The following FRMD5 variants were observed in gnomAD, a reference collection of about 807,000 sequenced individuals.
FRMD5 encodes the protein FERM domain-containing protein 5.
A neutral mutation model predicts 69.0 loss-of-function variants in FRMD5; 20 were observed. The ratio of observed to expected loss-of-function variants is 0.29; its 90% confidence interval spans 0.20 to 0.42. FRMD5 has a LOEUF of 0.42. FRMD5 is among the 10% of genes least tolerant of loss of function. The probability of loss-of-function intolerance (pLI) is 1.00; values close to 1 mark genes in which losing one functional copy is unlikely to be tolerated. For missense variants in FRMD5, 595 were observed against 708.6 expected, an observed-to-expected ratio of 0.84 and a Z score of 1.82; for synonymous variants, 271 against 260.1, an observed-to-expected ratio of 1.04 and a Z score of -0.40.
rs772012043 is a variant in FRMD5, at chr15:44,143,570, T to G, written c.102+51383A>C. Reference sequence around the variant, plus strand: ...TGAGTATTTAATTACAAAAACCCATTCTTTTACATTTCCCAACAAACTATA... The same window carrying G: ...TGAGTATTTAATTACAAAAACCCATGCTTTTACATTTCCCAACAAACTATA... On this transcript the variant is annotated intron_variant, in intron 1 of 13. Transcript: ENST00000417257. 1.4e-4 allele frequency among the ~76,000 whole-genome samples: 21 copies of G among 151,380 alleles called. 1 individual carries two copies. Among genetic ancestry groups the G allele is most frequent in the Admixed American group, 2.6e-4 (4 of 15,104 alleles).
chr15:44,127,950 G>A (rs2077045707), intron 1 of FRMD5, among the ~76,000 whole-genome samples: 1 of 152,182 alleles, frequency 6.6e-6, no homozygotes, highest in Non-Finnish European at 1.5e-5. Flanking sequence ...GAAGGAGGCA[G>A]CTGTAGCAAT....
intron 1 of FRMD5, among the ~76,000 whole-genome samples, chr15:44,092,756 C>T (rs1162597175): frequency 6.6e-6 from 1 of 152,074 alleles, no homozygotes; most frequent in Non-Finnish European, 1.5e-5. Context: ...CACCTCTACC[C>T]ACATCACCTT....
chr15:44,014,884 T>C (rs975010308), intron 1 of FRMD5, among the ~76,000 whole-genome samples: 9 of 152,360 alleles, frequency 5.9e-5, no homozygotes, highest in Non-Finnish European at 1.3e-4. Context: ...GCTGATTACA[T>C]GTTATGTCAA....
At chr15:43,883,938 C>A in intron 12 of FRMD5, 129 bp from the exon 13 acceptor site, 2 of 673,634 alleles carry the variant, frequency 3.0e-6, no homozygotes, top group South Asian at 3.1e-5. Context: ...TTTTTAAAAT[C>A]TTTAATACCT....
At chr15:44,146,421 T>C (rs986086358) in intron 1 of FRMD5, among the ~76,000 whole-genome samples, 1 of 152,208 alleles carries the variant, frequency 6.6e-6, no homozygotes, top group Non-Finnish European at 1.5e-5. Context: ...GTTGATTCCA[T>C]GTCTTCGCTA....
At chr15:44,094,386 C>CTCTA (rs2076520912) in intron 1 of FRMD5, among the ~76,000 whole-genome samples, 1 of 152,176 alleles carries the variant, frequency 6.6e-6, no homozygotes. Flanking sequence ...GTCTGGCAAC[C>CTCTA]TCTACATCCT....
At chr15:44,116,900 G>A (rs1341950005) in intron 1 of FRMD5, among the ~76,000 whole-genome samples, 1 of 151,736 alleles carries the variant, frequency 6.6e-6, no homozygotes, top group Admixed American at 6.6e-5. Context: ...TGGGCAACAT[G>A]GTAAAACCCT....
intron 1 of FRMD5, among the ~76,000 whole-genome samples, chr15:44,005,427 C>T (rs1392299915): frequency 2.8e-5 from 4 of 142,894 alleles, no homozygotes; most frequent in African/African-American, 7.9e-5. Flanking sequence ...GCCGAGATCA[C>T]GCCATTGCAC....
intron 1 of FRMD5, among the ~76,000 whole-genome samples, chr15:43,994,189 T>A (rs985064457): frequency 6.6e-6 from 1 of 152,208 alleles, no homozygotes; most frequent in East Asian, 1.9e-4. Flanking sequence ...TTGTGATTTA[T>A]TTTCTCTAGT....
chr15:44,026,287 TTTC>T (rs1891425910), intron 1 of FRMD5, among the ~76,000 whole-genome samples: 2 of 152,216 alleles, frequency 1.3e-5, no homozygotes, highest in African/African-American at 4.8e-5. Flanking sequence ...GGCCTCTCTC[TTTC>T]TTGATAGAAA....
chr15:44,024,124 T>G (rs1891329182), intron 1 of FRMD5, among the ~76,000 whole-genome samples: 1 of 152,144 alleles, frequency 6.6e-6, no homozygotes, highest in African/African-American at 2.4e-5. Flanking sequence ...GTTTCTTTCA[T>G]CTTTTGTTTT....
intron 1 of FRMD5, among the ~76,000 whole-genome samples, chr15:44,157,839 T>G (rs2077551951): frequency 6.6e-6 from 1 of 152,104 alleles, no homozygotes; most frequent in Non-Finnish European, 1.5e-5. Context: ...ATTTCTGATT[T>G]CAAACTTAAA....
intron 1 of FRMD5, chr15:43,989,406 C>T (rs372762268): frequency 5.1e-6 from 4 of 784,604 alleles, no homozygotes; most frequent in East Asian, 2.4e-5. Flanking sequence ...GCTGGAAGAG[C>T]GCCTCAGGGC....
At chr15:44,190,203 G>A (rs1365792195) in intron 1 of FRMD5, among the ~76,000 whole-genome samples, 1 of 152,186 alleles carries the variant, frequency 6.6e-6, no homozygotes, top group Non-Finnish European at 1.5e-5. Flanking sequence ...CAGACAGGAT[G>A]TTATAGATGA....
At chr15:43,988,377 C>T (rs1220269597) in intron 1 of FRMD5, among the ~76,000 whole-genome samples, 5 of 146,454 alleles carry the variant, frequency 3.4e-5, no homozygotes, top group South Asian at 2.1e-4. Context: ...TTTTTAGCAA[C>T]GAAGTGTTTT....
intron 1 of FRMD5, among the ~76,000 whole-genome samples, chr15:44,024,691 G>T (rs905725651): frequency 3.3e-5 from 5 of 152,148 alleles, no homozygotes; most frequent in African/African-American, 1.2e-4. Context: ...TTCTGGCTCT[G>T]AATTCTTTGC....
chr15:43,878,359 C>T (rs1038012708), intron 13 of FRMD5, among the ~76,000 whole-genome samples: 1 of 152,196 alleles, frequency 6.6e-6, no homozygotes, highest in African/African-American at 2.4e-5. Context: ...AGTCGGATTC[C>T]ATGGAATGGA....
chr15:44,105,620 A>C (rs2076705909), intron 1 of FRMD5, among the ~76,000 whole-genome samples: 1 of 152,150 alleles, frequency 6.6e-6, no homozygotes, highest in African/African-American at 2.4e-5. Flanking sequence ...ATTTATACTG[A>C]GTTGAGAATT....
intron 1 of FRMD5, among the ~76,000 whole-genome samples, chr15:44,091,685 T>C (rs1226225832): frequency 6.6e-6 from 1 of 152,202 alleles, no homozygotes; most frequent in Non-Finnish European, 1.5e-5. Context: ...ATATGGTGTC[T>C]GGTTCATTAA....
Sources: allele counts gnomAD v4.1 joint callset (sites outside exome capture counted in the v4.1 genomes callset), GRCh38; gene constraint gnomAD v4.1.1; transcripts MANE v1.5; gene names NCBI Gene and HGNC (gene_info 2026-07-23, HGNC 2026-07-21).